Variants in GALNT11 observed in about 807,000 individuals in gnomAD.
The protein encoded by GALNT11 is polypeptide N-acetylgalactosaminyltransferase 11.
Under a neutral mutation model 72.7 loss-of-function variants are expected in GALNT11, and 47 were observed. That is an observed-to-expected ratio of 0.65 (90% CI 0.51 to 0.82). The LOEUF is 0.82. GALNT11 is among the 40% of genes least tolerant of loss of function. GALNT11 has a pLI of 0.00. For synonymous variants in GALNT11, 270 were observed against 286.6 expected (o/e 0.94, Z 0.58); for missense variants, 677 against 778.4 (o/e 0.87, Z 1.55).
intron 1 of GALNT11, among the ~76,000 whole-genome samples, chr7:152,087,432 G>A (rs2085719721): frequency 6.6e-6 from 1 of 152,198 alleles, no homozygotes; most frequent in South Asian, 2.1e-4. Context: ...TGACCCACAA[G>A]GAGACCTGTG....
intron 1 of GALNT11, among the ~76,000 whole-genome samples, chr7:152,057,686 G>A (rs1001131917): frequency 4.6e-5 from 7 of 152,088 alleles, no homozygotes; most frequent in East Asian, 3.9e-4. Flanking sequence ...TAGTTTTAGC[G>A]TAGCCTTAGA....
intron 10 of GALNT11, chr7:152,119,106 G>A (rs190950660): frequency 2.4e-4 from 45 of 187,376 alleles, no homozygotes; most frequent in African/African-American, 8.4e-4. Flanking sequence ...ATCTCTGCTC[G>A]TCGTCATAGA....
At chr7:152,076,095 A>G (rs2084959270) in intron 1 of GALNT11, among the ~76,000 whole-genome samples, 1 of 147,680 alleles carries the variant, frequency 6.8e-6, no homozygotes, top group South Asian at 2.1e-4. Context: ...AAAAAAGAAG[A>G]AGAGAGAAAA....
chr7:152,112,207 C>A (rs1237398545), intron 7 of GALNT11, among the ~76,000 whole-genome samples: 2 of 152,154 alleles, frequency 1.3e-5, no homozygotes, highest in African/African-American at 4.8e-5. Context: ...ATATGTCCTT[C>A]TGTATTTCTG....
intron 2 of GALNT11, among the ~76,000 whole-genome samples, chr7:152,100,407 A>C (rs1406664934): frequency 6.6e-6 from 1 of 152,036 alleles, no homozygotes; most frequent in Non-Finnish European, 1.5e-5. Context: ...CTCAACTAAA[A>C]ATACAAAAAT....
At chr7:152,069,329 T>G (rs2084494029) in intron 1 of GALNT11, among the ~76,000 whole-genome samples, 1 of 152,216 alleles carries the variant, frequency 6.6e-6, no homozygotes, top group South Asian at 2.1e-4. Context: ...TTAAGATGTG[T>G]TTTATGGTCC....
chr7:152,041,210 T>C (rs1049958944), intron 1 of GALNT11, among the ~76,000 whole-genome samples: 6 of 152,332 alleles, frequency 3.9e-5, no homozygotes, highest in Admixed American at 3.9e-4. Flanking sequence ...TAACCTCTAC[T>C]CCAAGTTATT....
intron 2 of GALNT11, among the ~76,000 whole-genome samples, chr7:152,100,176 T>G (rs1255169188): frequency 6.6e-6 from 1 of 152,124 alleles, no homozygotes; most frequent in East Asian, 1.9e-4. Flanking sequence ...CAAGGGCCAC[T>G]GGGGTTCTAA....
intron 1 of GALNT11, among the ~76,000 whole-genome samples, chr7:152,089,305 A>T (rs1289239714): frequency 1.3e-5 from 2 of 152,236 alleles, no homozygotes; most frequent in South Asian, 2.1e-4. Flanking sequence ...TAGGTTTGTT[A>T]TATGTAAAAT....
chr7:152,091,249 T>C (rs1178888466), intron 1 of GALNT11, among the ~76,000 whole-genome samples: 1 of 151,316 alleles, frequency 6.6e-6, no homozygotes, highest in Non-Finnish European at 1.5e-5. Context: ...TTATTATTAT[T>C]TTTGTGTGTG....
intron 10 of GALNT11, chr7:152,119,352 T>A (rs1362431051): frequency 6.6e-6 from 1 of 152,174 alleles, no homozygotes; most frequent in African/African-American, 2.4e-5. Flanking sequence ...CTCGTTTATG[T>A]CTGATAAAAT....
chr7:152,089,064 A>G (rs906525637), intron 1 of GALNT11, among the ~76,000 whole-genome samples: 1 of 152,100 alleles, frequency 6.6e-6, no homozygotes, highest in Non-Finnish European at 1.5e-5. Context: ...CATGCAGGAG[A>G]ACTGGGCTTA....
At chr7:152,113,747 T>C (rs1231549042) in intron 8 of GALNT11, among the ~76,000 whole-genome samples, 2 of 57,676 alleles carry the variant, frequency 3.5e-5, no homozygotes, top group Admixed American at 4.5e-4. Context: ...TTTTTTTTTT[T>C]TTTTTTTGAG....
At chr7:152,029,184 T>G (rs1375559453) in intron 1 of GALNT11, among the ~76,000 whole-genome samples, 1 of 152,142 alleles carries the variant, frequency 6.6e-6, no homozygotes, top group Non-Finnish European at 1.5e-5. Flanking sequence ...AGTGAGGAGG[T>G]CTAGGCCTCG....
chr7:152,053,983 TTA>T (rs66865269), intron 1 of GALNT11, among the ~76,000 whole-genome samples: 23,143 of 152,108 alleles, frequency 0.15, 4,219 homozygotes, highest in African/African-American at 0.43. Context: ...TTTTTGCTAA[TTA>T]TATTGAGACT....
chr7:152,054,678 ATTT>A (rs765064933), intron 1 of GALNT11, among the ~76,000 whole-genome samples: 3 of 143,132 alleles, frequency 2.1e-5, no homozygotes, highest in Admixed American at 7.0e-5. Flanking sequence ...TGTCTGGCTA[ATTT>A]TTTTTTTTTT....
intron 1 of GALNT11, among the ~76,000 whole-genome samples, chr7:152,055,086 A>C (rs927792214): frequency 4.6e-5 from 7 of 152,178 alleles, no homozygotes; most frequent in African/African-American, 1.7e-4. Context: ...GCAGAATTCC[A>C]TTGGTATGTG....
In GALNT11 at chr7:152,066,096, C is replaced by T. The variant is rs551414731; in HGVS notation, c.-38-28094C>T. On this transcript the variant is annotated intron_variant, in intron 1 of 11. Coordinates refer to ENST00000430044, the MANE Select transcript of GALNT11 (RefSeq NM_022087.4). The stretch of plus-strand genomic sequence containing the variant: ...TGCGGTGGGCTCCACCCAGTTTGAG[C>T]TTCCTGGCTGCTTTGTTTACCTACT... Among the ~76,000 whole-genome samples, 6 of 152,348 alleles carry T rather than the reference C, an allele frequency of 3.9e-5. No individual in the cohort carries two copies. In the East Asian group the frequency reaches 1.2e-3, roughly 29 times the overall value.
chr7:152,107,212 CAGA>C (rs1378805786), intron 5 of GALNT11: 8 of 150,676 alleles, frequency 5.3e-5, no homozygotes, highest in South Asian at 2.1e-4. Context: ...CTCAACTGCT[CAGA>C]AGAACCGTGG....
Sources: gnomAD v4.1 joint callset for allele counts (sites outside exome capture counted in the v4.1 genomes callset) on GRCh38, gnomAD v4.1.1 for gene constraint, MANE v1.5 for transcripts, NCBI Gene and HGNC (gene_info 2026-07-23, HGNC 2026-07-21) for gene names.